Variants in ABTB2 observed in about 807,000 individuals in gnomAD.
ABTB2 encodes ankyrin repeat and BTB/POZ domain-containing protein 2.
In ABTB2, 56 loss-of-function variants were observed where a neutral mutation model predicts 104.1. The observed-to-expected ratio is 0.54, with a 90% CI of 0.43 to 0.67. The LOEUF (loss-of-function observed/expected upper bound fraction) is 0.67. Among genes scored for constraint, ABTB2 ranks in the 30% least tolerant of loss-of-function variants. ABTB2 has a pLI of 0.00. For missense variants in ABTB2, 1,279 were observed against 1,407.7 expected (o/e 0.91, Z 1.46); for synonymous variants, 606 against 608.2 (o/e 1.00, Z 0.05).
chr11:34,289,551 T>C (rs944532394), intron 1 of ABTB2, among the ~76,000 whole-genome samples: 2 of 151,902 alleles, frequency 1.3e-5, no homozygotes, highest in African/African-American at 2.4e-5. Context: ...AGCAGCAGAG[T>C]TGGAATTTAC....
chr11:34,214,139 A>ACACACACACACACAC (rs1853519948), intron 1 of ABTB2, among the ~76,000 whole-genome samples: 23 of 139,272 alleles, frequency 1.7e-4, no homozygotes, highest in African/African-American at 6.5e-4. Context: ...GCACATTCAA[A>ACACACACACACACAC]ACACACACAC....
intron 1 of ABTB2, among the ~76,000 whole-genome samples, chr11:34,220,799 G>A (rs377401787): frequency 1.3e-5 from 2 of 152,238 alleles, no homozygotes; most frequent in Non-Finnish European, 1.5e-5. Context: ...ACCACAGACC[G>A]GGTGGCTTCA....
chr11:34,263,701 G>A (rs1204818329), intron 1 of ABTB2, among the ~76,000 whole-genome samples: 2 of 152,148 alleles, frequency 1.3e-5, no homozygotes, highest in African/African-American at 4.8e-5. Context: ...GCATGTTGTA[G>A]GCACCCTCTG....
In ABTB2 at chr11:34,169,300, C is replaced by T. The variant is rs528896025; in HGVS notation, c.1564-1308G>A. Among the ~76,000 whole-genome samples, 49 of 152,202 alleles carry T rather than the reference C, an allele frequency of 3.2e-4. 2 individuals are homozygous for T. The South Asian group carries it at 5.6e-3, about 17-fold the overall frequency. On this transcript the variant is annotated intron_variant, in intron 5 of 16. Coordinates refer to ENST00000435224, the MANE Select transcript of ABTB2 (RefSeq NM_145804.3). ...ATAAAGAGGCCAAATAAAACCAGGC[C>T]GGCTCGCAGATATCAGGCATCATCA...
chr11:34,313,266 T>C (rs997748555), intron 1 of ABTB2, among the ~76,000 whole-genome samples: 4 of 152,218 alleles, frequency 2.6e-5, no homozygotes, highest in Non-Finnish European at 5.9e-5. Flanking sequence ...CCCCAACCGC[T>C]TCTGGTGCTG....
intron 1 of ABTB2, chr11:34,335,104 G>T (rs1247590856): frequency 2.7e-6 from 3 of 1,106,654 alleles, no homozygotes; most frequent in East Asian, 2.4e-5. Context: ...CAAATGAATG[G>T]ACATTTCCGC....
At chr11:34,221,752 A>T (rs1053158783) in intron 1 of ABTB2, among the ~76,000 whole-genome samples, 7 of 152,214 alleles carry the variant, frequency 4.6e-5, no homozygotes, top group Admixed American at 1.3e-4. Context: ...TTAATTTAAA[A>T]ACTTGGCTGG....
chr11:34,162,676 G>A lies in ABTB2; in HGVS notation c.2118C>T (p.Pro706=), dbSNP rs367889815. 1.1e-4 allele frequency: 180 copies of A among 1,613,014 alleles called. No homozygotes were observed. Among genetic ancestry groups the A allele is most frequent in the Non-Finnish European group, 1.4e-4 (169 of 1,180,016 alleles). Residue 706 remains proline (P), a synonymous_variant, in exon 10 of 17, where the codon CCC becomes CCT. Coordinates refer to ENST00000435224, the MANE Select transcript of ABTB2 (RefSeq NM_145804.3). The stretch of plus-strand genomic sequence containing the variant: ...TGGTGCGGGTCCGGCTCAGCCGCAC[G>A]GGCCCCTCGCTGCCACTGCCCTGGC... ...ASSQGSGSEG[P]VRLSRTRTKA...
At chr11:34,354,209 C>T (rs1372304948) in intron 1 of ABTB2, among the ~76,000 whole-genome samples, 3 of 152,102 alleles carry the variant, frequency 2.0e-5, no homozygotes, top group Non-Finnish European at 4.4e-5. Context: ...GAGGGAGACA[C>T]TTTGACTCTG....
chr11:34,300,637 C>T (rs962083982), intron 1 of ABTB2, among the ~76,000 whole-genome samples: 1 of 152,118 alleles, frequency 6.6e-6, no homozygotes, highest in Non-Finnish European at 1.5e-5. Context: ...CTTAGGCTTG[C>T]CAAATGTAAT....
rs1852906203 is a variant in ABTB2 at position 34,173,063 on chromosome 11, C to T, written c.1397+92G>A. On this transcript the variant is annotated intron_variant, in intron 4 of 16. Coordinates refer to ENST00000435224, the MANE Select transcript of ABTB2 (RefSeq NM_145804.3). ...GTGCTGCAGCCCCTGCTCTCTGACC[C>T]CCGCCCAGCCATCTGGGGAAGAAGC... is the stretch of plus-strand genomic sequence containing the variant. 1.7e-5 allele frequency: 26 copies of T among 1,533,746 alleles called. 1 individual carries two copies. In the South Asian group the frequency reaches 3.0e-4, roughly 17 times the overall value.
At chr11:34,210,858 T>G (rs1417668000) in intron 1 of ABTB2, among the ~76,000 whole-genome samples, 2 of 152,188 alleles carry the variant, frequency 1.3e-5, no homozygotes, top group Non-Finnish European at 2.9e-5. Context: ...TTGGGTGGGG[T>G]GCAATCCATA....
At chr11:34,330,753 T>A (rs1855119585) in intron 1 of ABTB2, among the ~76,000 whole-genome samples, 1 of 152,218 alleles carries the variant, frequency 6.6e-6, no homozygotes, top group South Asian at 2.1e-4. Context: ...TTTAGCACAC[T>A]CCCAAGAAAT....
At chr11:34,203,948 G>C (rs1853375173) in intron 2 of ABTB2, among the ~76,000 whole-genome samples, 1 of 152,130 alleles carries the variant, frequency 6.6e-6, no homozygotes, top group Admixed American at 6.5e-5. Flanking sequence ...GAGAGGGGGA[G>C]CTCAGGAGCT....
chr11:34,257,940 T>A (rs1854143272), intron 1 of ABTB2, among the ~76,000 whole-genome samples: 2 of 152,088 alleles, frequency 1.3e-5, no homozygotes, highest in Non-Finnish European at 2.9e-5. Context: ...AATAATCACA[T>A]GGACCCACCT....
At chr11:34,167,506 A>C in intron 6 of ABTB2, 146 bp from the exon 7 acceptor site, 1 of 738,896 alleles carries the variant, frequency 1.4e-6, no homozygotes, top group Middle Eastern at 2.8e-4. Flanking sequence ...AGGCTCAAAA[A>C]GAGAGGATAG....
At chr11:34,213,808 T>G (rs1175194336) in intron 1 of ABTB2, among the ~76,000 whole-genome samples, 2 of 152,136 alleles carry the variant, frequency 1.3e-5, no homozygotes, top group African/African-American at 4.8e-5. Flanking sequence ...GAAAAACCAG[T>G]GCAATAGTCA....
intron 1 of ABTB2, among the ~76,000 whole-genome samples, chr11:34,261,970 G>A (rs779020080): frequency 1.3e-5 from 2 of 152,166 alleles, no homozygotes; most frequent in Non-Finnish European, 1.5e-5. Flanking sequence ...GTGGGGTGCT[G>A]GTTTTCATAG....
At chr11:34,158,222 G>T (rs1852656168) in intron 14 of ABTB2, among the ~76,000 whole-genome samples, 1 of 152,196 alleles carries the variant, frequency 6.6e-6, no homozygotes, top group Middle Eastern at 3.2e-3. Context: ...AGACCATCCT[G>T]GCTAACATGG....
Sources: gnomAD v4.1 joint callset for allele counts (sites outside exome capture counted in the v4.1 genomes callset) on GRCh38, gnomAD v4.1.1 for gene constraint, MANE v1.5 for transcripts, NCBI Gene and HGNC (gene_info 2026-07-23, HGNC 2026-07-21) for gene names.